The following RASEF variants were observed in gnomAD, a reference collection of about 807,000 sequenced individuals.
RASEF encodes the protein RAS and EF-hand domain containing.
Under a neutral mutation model 90.1 loss-of-function variants are expected in RASEF, and 68 were observed. That is an observed-to-expected ratio of 0.75 (90% CI 0.62 to 0.92). The LOEUF is 0.92. Ranked by LOEUF, RASEF falls within the 40% of genes least tolerant of loss-of-function variation. The probability of loss-of-function intolerance (pLI) is 0.00; values close to 1 mark genes in which losing one functional copy is unlikely to be tolerated. For missense variants in RASEF, 949 were observed against 937.2 expected, an observed-to-expected ratio of 1.01 and a Z score of -0.16; for synonymous variants, 331 against 345.2, an observed-to-expected ratio of 0.96 and a Z score of 0.46.
intron 1 of RASEF, among the ~76,000 whole-genome samples, chr9:83,046,645 T>C (rs964947938): frequency 6.6e-6 from 1 of 152,226 alleles, no homozygotes; most frequent in Non-Finnish European, 1.5e-5. Context: ...AAATGGATTT[T>C]CTAAACAAAT....
chr9:83,210,984 A>G, the RASEF span, among the ~76,000 whole-genome samples: 3 of 151,684 alleles, frequency 2.0e-5, no homozygotes, highest in Non-Finnish European at 2.9e-5. Context: ...AAACAAGGAC[A>G]TTATCTTTCA....
At chr9:83,019,402 G>A (rs1829403053) in intron 3 of RASEF, among the ~76,000 whole-genome samples, 1 of 152,090 alleles carries the variant, frequency 6.6e-6, no homozygotes, top group Non-Finnish European at 1.5e-5. Context: ...AGAGATGCAA[G>A]TTAAAACCAC....
At chr9:83,031,320 C>T (rs1716946623) in intron 1 of RASEF, among the ~76,000 whole-genome samples, 1 of 152,144 alleles carries the variant, frequency 6.6e-6, no homozygotes, top group South Asian at 2.1e-4. Context: ...AATCACTACC[C>T]ACTCTTTTTT....
intron 1 of RASEF, among the ~76,000 whole-genome samples, chr9:83,038,015 G>T (rs1429420064): frequency 6.6e-6 from 1 of 151,976 alleles, no homozygotes; most frequent in Non-Finnish European, 1.5e-5. Flanking sequence ...TCATGAGAAA[G>T]ATCTTTTGAG....
intron 1 of RASEF, among the ~76,000 whole-genome samples, chr9:83,034,780 T>C (rs1829709202): frequency 6.6e-6 from 1 of 152,208 alleles, no homozygotes; most frequent in African/African-American, 2.4e-5. Flanking sequence ...CCACCACATC[T>C]GCTTTATGAC....
chr9:82,995,478 T>C (rs1282833282), intron 14 of RASEF, among the ~76,000 whole-genome samples: 7 of 152,150 alleles, frequency 4.6e-5, no homozygotes, highest in Non-Finnish European at 8.8e-5. Flanking sequence ...GGGGTCTCGC[T>C]CTGTCACTCA....
At chr9:83,182,454 T>C in the RASEF span, among the ~76,000 whole-genome samples, 11 of 152,208 alleles carry the variant, frequency 7.2e-5, no homozygotes, top group African/African-American at 2.7e-4. Flanking sequence ...CCCACACACA[T>C]ATCACCACTG....
At chr9:83,061,799 A>G (rs1433816889) in intron 1 of RASEF, among the ~76,000 whole-genome samples, 1 of 152,222 alleles carries the variant, frequency 6.6e-6, no homozygotes, top group Non-Finnish European at 1.5e-5. Context: ...ATTTGGGTCA[A>G]ATCTCTGCTG....
chr9:83,153,938 C>T, the RASEF span, among the ~76,000 whole-genome samples: 1 of 152,186 alleles, frequency 6.6e-6, no homozygotes, highest in Admixed American at 6.5e-5. Context: ...ACAACATTTC[C>T]ACCACCCACT....
chr9:83,122,268 G>A, the RASEF span, among the ~76,000 whole-genome samples: 2 of 152,126 alleles, frequency 1.3e-5, no homozygotes, highest in Admixed American at 1.3e-4. Context: ...AGCTTTTCAC[G>A]TTCAACTCCT....
chr9:83,005,793 T>G lies in RASEF; in HGVS notation c.1029-293A>C, dbSNP rs190939369. On this transcript the variant is annotated intron_variant, in intron 7 of 16. Coordinates refer to ENST00000376447, the MANE Select transcript of RASEF (RefSeq NM_152573.4). ...GGTAGCCCCGCTGATTGAACAGATT[T>G]CATGCAGGTCTTTCAAAGCTCCCTA... Among the ~76,000 whole-genome samples, 5 of 152,340 alleles carry G rather than the reference T, an allele frequency of 3.3e-5. No homozygotes were observed. In the East Asian group the frequency reaches 9.7e-4, roughly 29 times the overall value.
the RASEF span, among the ~76,000 whole-genome samples, chr9:83,081,817 C>A: frequency 6.6e-6 from 1 of 152,118 alleles, no homozygotes; most frequent in African/African-American, 2.4e-5. Context: ...ATCACCTCTC[C>A]ATAAATAAGA....
chr9:83,163,996 G>GAA, the RASEF span, among the ~76,000 whole-genome samples: 5,475 of 140,710 alleles, frequency 0.039, 154 homozygotes, highest in East Asian at 0.14. Flanking sequence ...TACTTGAGAG[G>GAA]AAAAAAAAAA....
rs577478905 is a variant in RASEF, at chr9:83,056,219, T to C, written c.431+6218A>G. Among the ~76,000 whole-genome samples, 16 of 152,140 alleles carry C rather than the reference T, an allele frequency of 1.1e-4. 1 individual carries two copies. The highest frequency in any genetic ancestry group is 3.4e-3 in the Middle Eastern group (1 of 294). ...CCTGAATATTTACAAGTTGAAGCAA[T>C]GAACTTGTTTGTTTGACAAAATAAT... On this transcript the variant is annotated intron_variant, in intron 1 of 16. Coordinates refer to ENST00000376447, the MANE Select transcript of RASEF (RefSeq NM_152573.4).
At chr9:83,202,332 A>T in the RASEF span, among the ~76,000 whole-genome samples, 1 of 152,248 alleles carries the variant, frequency 6.6e-6, no homozygotes, top group African/African-American at 2.4e-5. Context: ...ATAACAAAAG[A>T]GAAAACAGAA....
At position 83,025,569 on chromosome 9, in the gene RASEF, T is replaced by C. The variant is rs146393922; in HGVS notation, c.578+206A>G. ...GTCATCATTGATCCTGAAGAGTTTA[T>C]ATAATAGGATCATGATGATCTACTG... On this transcript the variant is annotated intron_variant, in intron 2 of 16. Coordinates refer to ENST00000376447, the MANE Select transcript of RASEF (RefSeq NM_152573.4). Among the ~76,000 whole-genome samples the C allele has an allele frequency of 3.3e-4, 51 of 152,326 alleles. No individual in the cohort carries two copies. The East Asian group carries it at 5.2e-3, about 16-fold the overall frequency.
At chr9:83,160,026 C>T in the RASEF span, among the ~76,000 whole-genome samples, 7 of 152,326 alleles carry the variant, frequency 4.6e-5, no homozygotes, top group African/African-American at 1.4e-4. Context: ...TCCCCAGCCA[C>T]GTGGAACTGT....
chr9:83,158,580 T>TTATATGTATATATGTCCATATGTA, the RASEF span, among the ~76,000 whole-genome samples: 1 of 143,624 alleles, frequency 7.0e-6, no homozygotes, highest in Non-Finnish European at 1.5e-5. Context: ...GTATATATGT[T>TTATATGTATATATGTCCATATGTA]TATATGTATA....
chr9:82,998,526 G>GT, intron 12 of RASEF, 80 bp from the exon 13 acceptor site: 1 of 907,122 alleles, frequency 1.1e-6, no homozygotes, highest in Non-Finnish European at 1.8e-6. Flanking sequence ...TTTAGATGAA[G>GT]CAAAAGCCAA....
Sources: gnomAD v4.1 joint callset for allele counts (sites outside exome capture counted in the v4.1 genomes callset) on GRCh38, gnomAD v4.1.1 for gene constraint, MANE v1.5 for transcripts, NCBI Gene and HGNC (gene_info 2026-07-23, HGNC 2026-07-21) for gene names.